The following PHLPP1 variants were observed in gnomAD, a reference collection of about 807,000 sequenced individuals.
PHLPP1 encodes the protein PH domain leucine-rich repeat-containing protein phosphatase 1.
A neutral mutation model predicts 117.2 loss-of-function variants in PHLPP1; 42 were observed. That is an observed-to-expected ratio of 0.36 (90% confidence interval 0.28 to 0.46). The LOEUF (loss-of-function observed/expected upper bound fraction) is 0.46, where lower values mean the gene tolerates loss of function less well. Ranked by LOEUF, PHLPP1 falls within the 20% of genes least tolerant of loss-of-function variation. The pLI is 1.00. For synonymous variants in PHLPP1, 1,042 were observed against 970.7 expected, an observed-to-expected ratio of 1.07 and a Z score of -1.37; for missense variants, 2,084 against 2,241.9, an observed-to-expected ratio of 0.93 and a Z score of 1.42.
intron 10 of PHLPP1, among the ~76,000 whole-genome samples, chr18:62,927,170 C>T (rs1274215042): frequency 6.6e-6 from 1 of 152,166 alleles, no homozygotes; most frequent in Non-Finnish European, 1.5e-5. Context: ...CATCAGAGGA[C>T]ACACAGCCCT....
At chr18:62,957,168 T>G (rs987985758) in intron 12 of PHLPP1, among the ~76,000 whole-genome samples, 1 of 152,234 alleles carries the variant, frequency 6.6e-6, no homozygotes, top group Non-Finnish European at 1.5e-5. Context: ...TTGTTGTATC[T>G]AGAGCGCTGA....
intron 7 of PHLPP1, among the ~76,000 whole-genome samples, chr18:62,904,792 G>T (rs1451175939): frequency 1.3e-5 from 2 of 152,256 alleles, no homozygotes; most frequent in Non-Finnish European, 2.9e-5. Context: ...TGTTCAGGAA[G>T]TGTTTCAGAT....
chr18:62,794,187 T>TC (rs755798888), intron 1 of PHLPP1, among the ~76,000 whole-genome samples: 3 of 151,904 alleles, frequency 2.0e-5, no homozygotes, highest in Admixed American at 6.6e-5. Flanking sequence ...TATATATCTA[T>TC]CCCCCCCGAA....
intron 9 of PHLPP1, among the ~76,000 whole-genome samples, chr18:62,918,067 A>G (rs814482): frequency 0.59 from 89,697 of 151,476 alleles, 26,771 homozygotes; most frequent in Middle Eastern, 0.69. Flanking sequence ...TTAGCTAGGC[A>G]TGGTGGTGCA....
At chr18:62,966,623 A>G (rs981645810) in intron 14 of PHLPP1, among the ~76,000 whole-genome samples, 2 of 151,886 alleles carry the variant, frequency 1.3e-5, no homozygotes, top group Non-Finnish European at 2.9e-5. Context: ...GGCGCCCGCC[A>G]CCACGCCCGG....
Position 62,715,785 on chromosome 18 carries a change from AGCGGCGGCCGCGGCGGCTCTGGCG to A in PHLPP1, c.113_136del (p.Ala38_Ala45del), listed in dbSNP as rs1309338995. 2.2e-5 allele frequency: 15 copies of A among 693,156 alleles called. No individual in the cohort carries two copies. Among genetic ancestry groups the A allele is most frequent in the Admixed American group, 1.3e-4 (2 of 15,574 alleles). The allele number at this position is 693,156 out of a possible 1,614,324, so 42.9% of individuals were successfully genotyped here. ...CCGCCGCTGCGGCAGCAGCAGCAGC[AGCGGCGGCCGCGGCGGCTCTGGCG>A]GCGGCGGCCGGGGGCGGCCGGAGTC... On this transcript the variant is annotated inframe_deletion, in exon 1 of 17. Coordinates refer to ENST00000262719, the MANE Select transcript of PHLPP1 (RefSeq NM_194449.4).
At chr18:62,843,270 T>G (rs919466013) in intron 3 of PHLPP1, among the ~76,000 whole-genome samples, 3 of 152,180 alleles carry the variant, frequency 2.0e-5, no homozygotes, top group Admixed American at 6.5e-5. Flanking sequence ...TTTCTGATTA[T>G]TAGTAACTGT....
intron 1 of PHLPP1, among the ~76,000 whole-genome samples, chr18:62,734,423 AT>A (rs1318947603): frequency 6.6e-5 from 10 of 152,222 alleles, no homozygotes; most frequent in Non-Finnish European, 7.4e-5. Context: ...TAGCTCTTTT[AT>A]CCATGGCTGT....
At chr18:62,863,541 G>A (rs1429119135) in intron 4 of PHLPP1, among the ~76,000 whole-genome samples, 1 of 152,136 alleles carries the variant, frequency 6.6e-6, no homozygotes, top group Non-Finnish European at 1.5e-5. Context: ...TATAATCAGT[G>A]GGGTAGATTA....
chr18:62,860,851 A>G (rs184568155), intron 4 of PHLPP1, among the ~76,000 whole-genome samples: 20 of 152,338 alleles, frequency 1.3e-4, no homozygotes, highest in Admixed American at 9.2e-4. Context: ...TGTAAGAACA[A>G]TTCTCCTTAA....
intron 1 of PHLPP1, among the ~76,000 whole-genome samples, chr18:62,823,076 T>C (rs1408606464): frequency 6.6e-6 from 1 of 152,228 alleles, no homozygotes; most frequent in Admixed American, 6.5e-5. Context: ...ATAAAATTTC[T>C]AGAAGAAAAC....
At chr18:62,745,055 GCATTTGGATATCATTTAAAAA>G (rs1568100986) in intron 1 of PHLPP1, among the ~76,000 whole-genome samples, 1 of 152,142 alleles carries the variant, frequency 6.6e-6, no homozygotes, top group Non-Finnish European at 1.5e-5. Flanking sequence ...TTAAAACCTG[GCATTTGGATATCATTTAAAAA>G]CAATAATAAT....
chr18:62,882,039 A>G (rs1348971852), intron 4 of PHLPP1, among the ~76,000 whole-genome samples: 2 of 152,212 alleles, frequency 1.3e-5, no homozygotes, highest in Non-Finnish European at 2.9e-5. Flanking sequence ...TCCAGGAAAG[A>G]CAGCCTCTCT....
chr18:62,816,072 G>A (rs1914264616), intron 1 of PHLPP1, among the ~76,000 whole-genome samples: 1 of 152,166 alleles, frequency 6.6e-6, no homozygotes, highest in African/African-American at 2.4e-5. Context: ...GAATGTTGAG[G>A]AGGGTTTTTA....
At chr18:62,858,262 C>CTTT (rs34800076) in intron 3 of PHLPP1, among the ~76,000 whole-genome samples, 1 of 128,348 alleles carries the variant, frequency 7.8e-6, no homozygotes, top group Non-Finnish European at 1.7e-5. Context: ...TCAGCAGAAC[C>CTTT]TTTTTTTTTT....
intron 3 of PHLPP1, among the ~76,000 whole-genome samples, chr18:62,854,360 G>T (rs928123915): frequency 1.3e-5 from 2 of 152,124 alleles, no homozygotes; most frequent in African/African-American, 2.4e-5. Context: ...CATCACTGTT[G>T]CCCAGCTGGA....
At chr18:62,800,382 G>T (rs1047286950) in intron 1 of PHLPP1, among the ~76,000 whole-genome samples, 1 of 152,198 alleles carries the variant, frequency 6.6e-6, no homozygotes, top group Non-Finnish European at 1.5e-5. Context: ...CAACTGTATA[G>T]TTTTTGTGGT....
intron 1 of PHLPP1, among the ~76,000 whole-genome samples, chr18:62,735,932 A>G (rs973740797): frequency 6.6e-6 from 1 of 152,108 alleles, no homozygotes; most frequent in Admixed American, 6.5e-5. Context: ...CATGTACCCT[A>G]AAACTTAAAG....
chr18:62,840,943 G>A (rs1032059141), intron 3 of PHLPP1, among the ~76,000 whole-genome samples: 1 of 152,200 alleles, frequency 6.6e-6, no homozygotes, highest in Non-Finnish European at 1.5e-5. Flanking sequence ...AGGCTGGAGT[G>A]CAGTGGCACG....
Sources: gnomAD v4.1 joint callset for allele counts (sites outside exome capture counted in the v4.1 genomes callset) on GRCh38, gnomAD v4.1.1 for gene constraint, MANE v1.5 for transcripts, NCBI Gene and HGNC (gene_info 2026-07-23, HGNC 2026-07-21) for gene names.